FAF1: variants seen among roughly 807,000 people sequenced by gnomAD.
FAF1 encodes FAS-associated factor 1.
A neutral mutation model predicts 92.5 loss-of-function variants in FAF1; 25 were observed. The ratio of observed to expected loss-of-function variants is 0.27; its 90% confidence interval spans 0.20 to 0.38. FAF1 has a LOEUF of 0.38. Ranked by LOEUF, FAF1 falls within the 10% of genes least tolerant of loss-of-function variation. FAF1 has a pLI of 1.00. For missense variants in FAF1, 636 were observed against 793.3 expected (o/e 0.80, Z 2.38); for synonymous variants, 234 against 273.2 (o/e 0.86, Z 1.42).
intron 2 of FAF1, among the ~76,000 whole-genome samples, chr1:50,805,569 A>AT: frequency 6.6e-6 from 1 of 152,316 alleles, no homozygotes; most frequent in Non-Finnish European, 1.5e-5. Flanking sequence ...TCATTGTAAC[A>AT]TCACATATGA....
intron 6 of FAF1, among the ~76,000 whole-genome samples, chr1:50,721,753 A>C (rs1213748527): frequency 6.6e-6 from 1 of 152,054 alleles, no homozygotes; most frequent in Non-Finnish European, 1.5e-5. Flanking sequence ...CCTCCCAAGT[A>C]GCTAGGACTA....
At chr1:50,714,240 C>T (rs892655618) in intron 6 of FAF1, among the ~76,000 whole-genome samples, 5 of 149,880 alleles carry the variant, frequency 3.3e-5, no homozygotes, top group East Asian at 2.0e-4. Context: ...TCGTGGCTCA[C>T]GCCTGTAATC....
intron 8 of FAF1, among the ~76,000 whole-genome samples, chr1:50,647,432 G>A (rs181179793): frequency 6.6e-6 from 1 of 152,218 alleles, no homozygotes; most frequent in African/African-American, 2.4e-5. Flanking sequence ...CTAACCACGA[G>A]GCATTCCTGG....
chr1:50,504,816 T>C (rs1417883611), intron 15 of FAF1, among the ~76,000 whole-genome samples: 1 of 152,134 alleles, frequency 6.6e-6, no homozygotes, highest in Non-Finnish European at 1.5e-5. Context: ...GTAATAGAAA[T>C]AGTACTTAGA....
chr1:50,701,567 T>C (rs1225791071), intron 7 of FAF1, among the ~76,000 whole-genome samples: 1 of 152,072 alleles, frequency 6.6e-6, no homozygotes, highest in Non-Finnish European at 1.5e-5. Context: ...TAGTCCAAAA[T>C]ATACGCTAGT....
intron 2 of FAF1, among the ~76,000 whole-genome samples, chr1:50,806,687 T>C (rs1460547303): frequency 6.6e-6 from 1 of 152,082 alleles, no homozygotes; most frequent in Non-Finnish European, 1.5e-5. Context: ...GTTCCTAACC[T>C]CAAGAGTCCA....
chr1:50,663,392 CT>C (rs1284662268), intron 7 of FAF1, among the ~76,000 whole-genome samples: 1 of 147,850 alleles, frequency 6.8e-6, no homozygotes, highest in East Asian at 1.9e-4. Flanking sequence ...AGAAGCATTG[CT>C]TTTTTTTAAA....
chr1:50,688,586 G>A (rs1485125973), intron 7 of FAF1, among the ~76,000 whole-genome samples: 1 of 152,212 alleles, frequency 6.6e-6, no homozygotes, highest in Non-Finnish European at 1.5e-5. Flanking sequence ...GCCAAGGTGG[G>A]TGGATCACCT....
In FAF1 at chr1:50,562,610, T is replaced by C. The variant is rs1390013931; in HGVS notation, c.1268+4467A>G. On this transcript the variant is annotated intron_variant, in intron 13 of 18. Coordinates refer to ENST00000396153, the MANE Select transcript of FAF1 (RefSeq NM_007051.3). Reference sequence around the variant, plus strand: ...CTTTCAAGTCCCTCTTTGACCCCCTTGGGTACAGCAACTCTGTATAAAGTT... The same window carrying C: ...CTTTCAAGTCCCTCTTTGACCCCCTCGGGTACAGCAACTCTGTATAAAGTT... Among the ~76,000 whole-genome samples, 3 of 152,222 alleles carry C rather than the reference T, an allele frequency of 2.0e-5. No homozygotes were observed. The East Asian group carries it at 5.8e-4, about 29-fold the overall frequency.
intron 13 of FAF1, 35 bp downstream of exon 13, chr1:50,567,042 A>T: frequency 6.8e-7 from 1 of 1,474,896 alleles, no homozygotes; most frequent in Non-Finnish European, 9.1e-7. Flanking sequence ...TTTTTAATAG[A>T]AGCCCAACTT....
At chr1:50,746,781 G>C (rs1659639599) in intron 4 of FAF1, among the ~76,000 whole-genome samples, 1 of 152,194 alleles carries the variant, frequency 6.6e-6, no homozygotes, top group African/African-American at 2.4e-5. Context: ...AGGCCTCACA[G>C]GCATTTCACA....
chr1:50,874,416 T>C lies in FAF1; in HGVS notation c.46-16419A>G, dbSNP rs567424659. Among the ~76,000 whole-genome samples, 10 of 152,182 alleles carry C rather than the reference T, an allele frequency of 6.6e-5. No homozygotes were observed. The East Asian group carries it at 1.9e-3, about 29-fold the overall frequency. On this transcript the variant is annotated intron_variant, in intron 1 of 18. Transcript: ENST00000396153. Reference sequence around the variant, plus strand: ...TCACTCTGTCACCTAGCCTAGAGTATAGTAGTGTGATCACAGCTCACTATA... The same window carrying C: ...TCACTCTGTCACCTAGCCTAGAGTACAGTAGTGTGATCACAGCTCACTATA...
intron 6 of FAF1, among the ~76,000 whole-genome samples, chr1:50,721,509 G>A (rs894145617): frequency 4.6e-5 from 7 of 151,804 alleles, no homozygotes; most frequent in Admixed American, 2.0e-4. Context: ...CACCGTGCCC[G>A]GCCGGAAAAA....
intron 6 of FAF1, among the ~76,000 whole-genome samples, chr1:50,715,543 A>T (rs1191034825): frequency 6.6e-6 from 1 of 152,268 alleles, no homozygotes; most frequent in Non-Finnish European, 1.5e-5. Context: ...ATTACTAAGC[A>T]TTAATACCTA....
At chr1:50,460,696 C>T (rs1173898833) in intron 18 of FAF1, among the ~76,000 whole-genome samples, 6 of 150,048 alleles carry the variant, frequency 4.0e-5, no homozygotes, top group Admixed American at 2.0e-4. Context: ...TGTAGTGGTG[C>T]GATCACAGCT....
intron 2 of FAF1, among the ~76,000 whole-genome samples, chr1:50,852,057 C>G (rs575553872): frequency 6.6e-6 from 1 of 151,358 alleles, no homozygotes; most frequent in African/African-American, 2.4e-5. Context: ...AATGGCACAA[C>G]CAAATATAAA....
At chr1:50,483,958 T>C (rs1335148737) in intron 17 of FAF1, among the ~76,000 whole-genome samples, 1 of 152,126 alleles carries the variant, frequency 6.6e-6, no homozygotes, top group Non-Finnish European at 1.5e-5. Context: ...CTGATGTATA[T>C]GAGACATCTA....
At chr1:50,712,057 C>G (rs1657956776) in intron 6 of FAF1, among the ~76,000 whole-genome samples, 1 of 152,164 alleles carries the variant, frequency 6.6e-6, no homozygotes, top group South Asian at 2.1e-4. Context: ...TAGCAATGAC[C>G]TAGGTCTAAC....
At chr1:50,927,278 T>C (rs1645013440) in intron 1 of FAF1, among the ~76,000 whole-genome samples, 1 of 152,188 alleles carries the variant, frequency 6.6e-6, no homozygotes, top group African/African-American at 2.4e-5. Context: ...AGAATTTTTT[T>C]TTTAAAGCTT....
Sources: allele counts gnomAD v4.1 joint callset (sites outside exome capture counted in the v4.1 genomes callset), GRCh38; gene constraint gnomAD v4.1.1; transcripts MANE v1.5; gene names NCBI Gene and HGNC (gene_info 2026-07-23, HGNC 2026-07-21).